The following KDM6A variants were observed in gnomAD, a reference collection of about 807,000 sequenced individuals.
KDM6A encodes the protein lysine-specific demethylase 6A.
Under a neutral mutation model 117.6 loss-of-function variants are expected in KDM6A, and 11 were observed. The ratio of observed to expected loss-of-function variants is 0.09; its 90% confidence interval spans 0.06 to 0.15. The LOEUF is 0.15. Ranked by LOEUF, KDM6A falls within the 10% of genes least tolerant of loss-of-function variation. The pLI is 1.00. For missense variants in KDM6A, 799 were observed against 1,077.3 expected (o/e 0.74, Z 3.62); for synonymous variants, 384 against 396.1 (o/e 0.97, Z 0.36).
At chrX:44,989,978 G>A (rs777775989) in intron 4 of KDM6A, among the ~76,000 whole-genome samples, 2 of 111,385 alleles carry the variant, frequency 1.8e-5, no homozygotes, top group Non-Finnish European at 3.8e-5. Flanking sequence ...TTAGCTCCCA[G>A]GCCTTAAAAA....
At chrX:45,003,483 G>T (rs1386914106) in intron 4 of KDM6A, among the ~76,000 whole-genome samples, 3 of 106,633 alleles carry the variant, frequency 2.8e-5, no homozygotes, top group Non-Finnish European at 5.8e-5. Context: ...ATGTATTAGG[G>T]CCATCTGCGG....
Position 44,970,146 on chromosome X carries a change from G to A in KDM6A, c.335-4520G>A, listed in dbSNP as rs1304437762. On this transcript the variant is annotated intron_variant, in intron 3 of 29. Transcript: ENST00000611820. ...GATCCTTCTTAAAATAAGATGCTAA[G>A]CATAATGAGGGTAGAGTATAATTGT... Among the ~76,000 whole-genome samples the A allele has an allele frequency of 9.8e-5, 11 of 112,056 alleles. No individual in the cohort carries two copies. In the East Asian group the frequency reaches 2.5e-3, roughly 26 times the overall value.
At chrX:45,096,680 A>G (rs2046121731) in intron 27 of KDM6A, among the ~76,000 whole-genome samples, 1 of 111,770 alleles carries the variant, frequency 8.9e-6, no homozygotes, top group South Asian at 3.7e-4. Context: ...CACACCAGTC[A>G]GAATTACTAT....
intron 2 of KDM6A, among the ~76,000 whole-genome samples, chrX:44,895,404 C>G (rs1046941411): frequency 9.2e-6 from 1 of 108,635 alleles, no homozygotes; most frequent in Non-Finnish European, 1.9e-5. Flanking sequence ...AGACCATGAG[C>G]CACCGCTCTG....
At chrX:44,896,738 A>G (rs2033896130) in intron 2 of KDM6A, among the ~76,000 whole-genome samples, 1 of 104,831 alleles carries the variant, frequency 9.5e-6, no homozygotes, top group Non-Finnish European at 1.9e-5. Context: ...TCTGAAGAAT[A>G]TTTTGCTGTG....
chrX:44,886,231 T>A (rs886534752), intron 2 of KDM6A, among the ~76,000 whole-genome samples: 4 of 108,675 alleles, frequency 3.7e-5, no homozygotes, highest in Non-Finnish European at 5.7e-5. Flanking sequence ...CTAATTTTTT[T>A]AGTAGAGACG....
chrX:45,062,831 A>G (rs1244917044), intron 16 of KDM6A, 83 bp downstream of exon 16: 2 of 620,530 alleles, frequency 3.2e-6, no homozygotes, highest in South Asian at 4.9e-5. Flanking sequence ...GAGCATGTTT[A>G]TGTTCATTTT....
intron 2 of KDM6A, among the ~76,000 whole-genome samples, chrX:44,895,129 A>G (rs904417304): frequency 7.4e-5 from 7 of 95,103 alleles, no homozygotes; most frequent in Admixed American, 1.2e-4. Context: ...TTTTAGAGAC[A>G]GAGTCTCGCT....
chrX:44,876,983 A>ACGTATACGCATACGTATATACACT (rs1555959384), intron 2 of KDM6A, among the ~76,000 whole-genome samples: 22,786 of 108,425 alleles, frequency 0.21, 4,175 homozygotes, highest in African/African-American at 0.59. Context: ...ACGTATATAC[A>ACGTATACGCATACGTATATACACT]CGTATACGCA....
chrX:45,064,636 C>CA (rs1269191519), intron 17 of KDM6A, among the ~76,000 whole-genome samples: 1 of 111,521 alleles, frequency 9.0e-6, no homozygotes, highest in East Asian at 2.8e-4. Flanking sequence ...ACTGAAGGGC[C>CA]AAAGAGTAAG....
At chrX:45,048,268 C>A (rs941086444) in intron 8 of KDM6A, among the ~76,000 whole-genome samples, 17 of 108,864 alleles carry the variant, frequency 1.6e-4, no homozygotes, top group Non-Finnish European at 1.5e-4. Flanking sequence ...TCCTGATCTT[C>A]ATAAGTTTAA....
chrX:44,981,961 G>T (rs1035599533), intron 4 of KDM6A, among the ~76,000 whole-genome samples: 1 of 111,960 alleles, frequency 8.9e-6, no homozygotes, highest in African/African-American at 3.2e-5. Flanking sequence ...GTGCTTCCTT[G>T]TAATCCCAGC....
chrX:45,025,601 C>T (rs2042337217), intron 6 of KDM6A, among the ~76,000 whole-genome samples: 1 of 112,344 alleles, frequency 8.9e-6, no homozygotes, highest in African/African-American at 3.2e-5. Context: ...TATAATGTCC[C>T]TAATTTTCAC....
At chrX:44,876,950 CGTATAT>C (rs1479266758) in intron 2 of KDM6A, among the ~76,000 whole-genome samples, 1 of 110,947 alleles carries the variant, frequency 9.0e-6, no homozygotes, top group Non-Finnish European at 1.9e-5. Context: ...CACACGTATA[CGTATAT>C]ACGCACGTAT....
intron 10 of KDM6A, among the ~76,000 whole-genome samples, chrX:45,057,637 A>G (rs918475655): frequency 1.4e-4 from 16 of 111,134 alleles, no homozygotes; most frequent in African/African-American, 5.2e-4. Flanking sequence ...AGCAAACTTT[A>G]GGGTAATCTT....
chrX:45,044,171 CTG>C (rs777417562), intron 8 of KDM6A, among the ~76,000 whole-genome samples: 2 of 112,095 alleles, frequency 1.8e-5, no homozygotes, highest in African/African-American at 3.2e-5. Context: ...TGACACATGA[CTG>C]TATAATGTCA....
chrX:45,054,139 T>A (rs112360778), intron 10 of KDM6A, among the ~76,000 whole-genome samples, 184 bp downstream of exon 10: 4 of 112,516 alleles, frequency 3.6e-5, no homozygotes, highest in African/African-American at 1.3e-4. Context: ...GTGGTTTTTT[T>A]ATAGCATAAT....
At position 44,873,376 on chromosome X, in the gene KDM6A, GCCGCCGCCGCCTTCA is replaced by G; in HGVS notation, c.-165_-151del. 1 of 669,817 alleles carries G rather than the reference GCCGCCGCCGCCTTCA, an allele frequency of 1.5e-6. No individual in the cohort carries two copies. The highest frequency in any genetic ancestry group is 2.9e-5 in the South Asian group (1 of 33,940). The allele number at this position is 669,817 out of a possible 1,213,427, so 55.2% of individuals were successfully genotyped here. ...CGGGGGCTCCGCAGCCCCTGCCGCC[GCCGCCGCCGCCTTCA>G]CCGCCGCCGCGTTGGGATTTTTCGT... is the stretch of plus-strand genomic sequence containing the variant. On this transcript the variant is annotated 5_prime_UTR_variant, in exon 1 of 30. Transcript: ENST00000611820.
intron 2 of KDM6A, among the ~76,000 whole-genome samples, chrX:44,887,909 C>T (rs908171802): frequency 3.6e-5 from 4 of 111,330 alleles, no homozygotes; most frequent in East Asian, 2.8e-4. Context: ...ATGGGAAAAC[C>T]GCTCGAGCCC....
Sources: gnomAD v4.1 joint callset for allele counts (sites outside exome capture counted in the v4.1 genomes callset) on GRCh38, gnomAD v4.1.1 for gene constraint, MANE v1.5 for transcripts, NCBI Gene and HGNC (gene_info 2026-07-23, HGNC 2026-07-21) for gene names.